The following POLR3G variants were observed in gnomAD, a reference collection of about 807,000 sequenced individuals.
The protein encoded by POLR3G is DNA-directed RNA polymerase III subunit RPC7.
A neutral mutation model predicts 30.1 loss-of-function variants in POLR3G; 28 were observed. The observed-to-expected ratio is 0.93, with a 90% CI of 0.69 to 1.27. The LOEUF (loss-of-function observed/expected upper bound fraction) is 1.27, where lower values mean the gene tolerates loss of function less well. POLR3G is among the 50% of genes most tolerant of loss of function. The probability of loss-of-function intolerance (pLI) is 0.00; values close to 1 mark genes in which losing one functional copy is unlikely to be tolerated. For missense variants in POLR3G, 254 were observed against 264.6 expected (o/e 0.96, Z 0.28); for synonymous variants, 79 against 82.5 (o/e 0.96, Z 0.23).
At chr5:90,491,061 C>G (rs1355025645) in intron 3 of POLR3G, among the ~76,000 whole-genome samples, 1 of 152,114 alleles carries the variant, frequency 6.6e-6, no homozygotes, top group Non-Finnish European at 1.5e-5. Flanking sequence ...TGAGAGATCT[C>G]AAGACTTCCT....
At chr5:90,473,989 G>C (rs758024413), upstream of POLR3G, 12 of 1,599,042 alleles carry the variant, frequency 7.5e-6, no homozygotes, top group Non-Finnish European at 9.4e-6. Context: ...GCCTCGGCGT[G>C]GTGCACTGCC....
chr5:90,499,296 G>A (rs1752130215), intron 5 of POLR3G, among the ~76,000 whole-genome samples: 1 of 152,112 alleles, frequency 6.6e-6, no homozygotes, highest in Non-Finnish European at 1.5e-5. Flanking sequence ...GGCAAAGAAG[G>A]GAACTGGAAA....
intron 1 of POLR3G, among the ~76,000 whole-genome samples, chr5:90,480,438 G>A (rs1347617042): frequency 6.6e-6 from 1 of 152,198 alleles, no homozygotes. Context: ...CAAAAGCTAG[G>A]AAGTTTTTCT....
intron 5 of POLR3G, among the ~76,000 whole-genome samples, chr5:90,501,037 T>A (rs27200): frequency 0.68 from 103,332 of 151,254 alleles, 35,806 homozygotes; most frequent in African/African-American, 0.8. Context: ...GTAAAAAAAA[T>A]AATTATGTAG....
rs1752814924 is a variant in POLR3G at position 90,513,136 on chromosome 5, C to G, written c.*997C>G. The G allele has an allele frequency of 1.3e-5, 2 of 152,272 alleles. No homozygotes were observed. Among genetic ancestry groups the G allele is most frequent in the African/African-American group, 4.8e-5 (2 of 41,368 alleles). 9.4% of individuals were successfully genotyped at this position (152,272 alleles called of 1,614,324 possible). The stretch of plus-strand genomic sequence containing the variant: ...TTATATATTTTTTGGGAAAAAATAC[C>G]TAAAAACCTCAGCCTACAAAGACTC... On this transcript the variant is annotated 3_prime_UTR_variant, in exon 8 of 8. Coordinates refer to ENST00000651687, the MANE Select transcript of POLR3G (RefSeq NM_006467.3).
intron 1 of POLR3G, among the ~76,000 whole-genome samples, chr5:90,481,261 G>A (rs934455829): frequency 4.6e-5 from 7 of 151,858 alleles, no homozygotes; most frequent in African/African-American, 1.7e-4. Context: ...AATACCAAGA[G>A]GGAGACTTTA....
intron 3 of POLR3G, among the ~76,000 whole-genome samples, chr5:90,495,050 A>G (rs1216415506): frequency 6.6e-6 from 1 of 152,198 alleles, no homozygotes; most frequent in Non-Finnish European, 1.5e-5. Flanking sequence ...CCTGAAGTCA[A>G]ACAGTTAAAA....
Position 90,493,078 on chromosome 5 carries a change from C to T in POLR3G, c.248-2599C>T, listed in dbSNP as rs115422872. ...ATGTCTTTGGAATCTGGGATCAGGA[C>T]GTACAGAAGGCATATATTCTAGGTT... On this transcript the variant is annotated intron_variant, in intron 3 of 7. Coordinates refer to ENST00000651687, the MANE Select transcript of POLR3G (RefSeq NM_006467.3). 6.9e-3 allele frequency among the ~76,000 whole-genome samples: 1,054 copies of T among 152,202 alleles called. 7 individuals are homozygous for T. The highest frequency in any genetic ancestry group is 0.017 in the Middle Eastern group (5 of 294).
intron 7 of POLR3G, among the ~76,000 whole-genome samples, chr5:90,508,298 C>G (rs1317000296): frequency 6.6e-6 from 1 of 151,904 alleles, no homozygotes; most frequent in Non-Finnish European, 1.5e-5. Flanking sequence ...TGTCCTCTGC[C>G]TTCAAACTCA....
intron 1 of POLR3G, among the ~76,000 whole-genome samples, chr5:90,481,477 T>A (rs529954875): frequency 6.6e-6 from 1 of 152,350 alleles, no homozygotes; most frequent in Non-Finnish European, 1.5e-5. Context: ...GCTTTGCTAC[T>A]TTCAAAGTAT....
chr5:90,483,749 T>A (rs1751268930), intron 1 of POLR3G, among the ~76,000 whole-genome samples: 1 of 152,048 alleles, frequency 6.6e-6, no homozygotes, highest in Admixed American at 6.5e-5. Flanking sequence ...GTGAAAAAAA[T>A]AAATAAATAA....
At position 90,502,109 on chromosome 5, in the gene POLR3G, C is replaced by T. The variant is rs1397187326; in HGVS notation, c.438+121C>T. 1.1e-5 allele frequency: 16 copies of T among 1,467,988 alleles called. No individual in the cohort carries two copies. The Admixed American group carries it at 1.2e-4, about 11-fold the overall frequency. The allele number at this position is 1,467,988 out of a possible 1,614,324, so 90.9% of individuals were successfully genotyped here. A position where few individuals can be genotyped will look rare whatever the true frequency, so the allele number is the denominator to read the frequency against. ...TTTAATAATGTAAATTTGGCAGAAG[C>T]GAGCCCAACATATAAGGTAACTGGG... On this transcript the variant is annotated intron_variant, in intron 6 of 7. Coordinates refer to ENST00000651687, the MANE Select transcript of POLR3G (RefSeq NM_006467.3).
At chr5:90,485,743 A>C in intron 2 of POLR3G, 59 bp downstream of exon 2, 2 of 1,211,070 alleles carry the variant, frequency 1.7e-6, no homozygotes, top group Non-Finnish European at 2.4e-6. Flanking sequence ...AGAGAATATT[A>C]AAATTCTATA....
At chr5:90,503,464 C>T (rs1167703259) in intron 6 of POLR3G, among the ~76,000 whole-genome samples, 1 of 152,192 alleles carries the variant, frequency 6.6e-6, no homozygotes, top group African/African-American at 2.4e-5. Flanking sequence ...TGACTGAACT[C>T]AGGTTCTGGC....
upstream of POLR3G, chr5:90,474,102 T>C (rs993301835): frequency 1.6e-5 from 26 of 1,576,644 alleles, no homozygotes; most frequent in Non-Finnish European, 2.2e-5. Context: ...CTCTCGGTCC[T>C]GCAAGAGGCC....
At chr5:90,506,500 AC>A in intron 6 of POLR3G, 27 bp from the exon 7 acceptor site, 1 of 1,605,984 alleles carries the variant, frequency 6.2e-7, no homozygotes, top group Non-Finnish European at 8.5e-7. Context: ...TGGTTTCCAT[AC>A]AAATTAATGA....
At chr5:90,477,016 G>C (rs1231349696) in intron 1 of POLR3G, among the ~76,000 whole-genome samples, 1 of 152,190 alleles carries the variant, frequency 6.6e-6, no homozygotes. Flanking sequence ...AAGACGGCCT[G>C]ACGATGAGGG....
Position 90,514,476 on chromosome 5 carries a change from A to C in POLR3G, c.*2337A>C, listed in dbSNP as rs1333915400. The C allele has an allele frequency of 1.3e-5, 2 of 152,204 alleles. No individual in the cohort carries two copies. The highest frequency in any genetic ancestry group is 1.5e-5 in the Non-Finnish European group (1 of 68,040). The allele number at this position is 152,204 out of a possible 1,614,324, so 9.4% of individuals were successfully genotyped here. A position where few individuals can be genotyped will look rare whatever the true frequency, so the allele number is the denominator to read the frequency against. On this transcript the variant is annotated 3_prime_UTR_variant, in exon 8 of 8. Transcript: ENST00000651687. The stretch of plus-strand genomic sequence containing the variant: ...TTTGTTAGAGAAAACTAATTTGTTA[A>C]TATAGATCTTAACTAGTAACTATTA...
intron 1 of POLR3G, among the ~76,000 whole-genome samples, chr5:90,481,328 G>GAAAA (rs1554038297): frequency 7.2e-6 from 1 of 137,996 alleles, no homozygotes; most frequent in Non-Finnish European, 1.6e-5. Flanking sequence ...CAGTATTCTT[G>GAAAA]AAAAAAAAAA....
Sources: allele counts gnomAD v4.1 joint callset (sites outside exome capture counted in the v4.1 genomes callset), GRCh38; gene constraint gnomAD v4.1.1; transcripts MANE v1.5; gene names NCBI Gene and HGNC (gene_info 2026-07-23, HGNC 2026-07-21).